The following SLC8A1 variants were observed in gnomAD, a reference collection of about 807,000 sequenced individuals.
The protein encoded by SLC8A1 is solute carrier family 8 member A1.
Under a neutral mutation model 68.3 loss-of-function variants are expected in SLC8A1, and 18 were observed. That is an observed-to-expected ratio of 0.26 (90% confidence interval 0.18 to 0.39). The LOEUF is 0.39. Ranked by LOEUF, SLC8A1 falls within the 10% of genes least tolerant of loss-of-function variation. The probability of loss-of-function intolerance (pLI) is 1.00; values close to 1 mark genes in which losing one functional copy is unlikely to be tolerated. For missense variants in SLC8A1, 985 were observed against 1,156.7 expected (o/e 0.85, Z 2.15); for synonymous variants, 475 against 415.5 (o/e 1.14, Z -1.74).
chr2:40,358,660 A>T lies in SLC8A1; in HGVS notation c.1808+69813T>A, dbSNP rs553787080. On this transcript the variant is annotated intron_variant, in intron 2 of 7. Transcript: ENST00000406785. ...ATTCACCCATTCAATTGATTGATTC[A>T]TTAATTCACTCATTCAACAATCTGT... Among the ~76,000 whole-genome samples the T allele has an allele frequency of 7.9e-5, 12 of 152,322 alleles. No individual in the cohort carries two copies. In the East Asian group the frequency reaches 2.3e-3, roughly 29 times the overall value.
chr2:40,458,438 T>A (rs1162134751), intron 1 of SLC8A1, among the ~76,000 whole-genome samples: 1 of 152,034 alleles, frequency 6.6e-6, no homozygotes, highest in East Asian at 1.9e-4. Flanking sequence ...GTAGAACATG[T>A]ATCGTCCCCT....
chr2:40,442,724 T>C (rs946696544), intron 1 of SLC8A1, among the ~76,000 whole-genome samples: 3 of 152,102 alleles, frequency 2.0e-5, no homozygotes, highest in Non-Finnish European at 4.4e-5. Flanking sequence ...GAACCAGAAA[T>C]ACCATTTGAC....
chr2:40,403,988 T>C (rs1225507965), intron 2 of SLC8A1, among the ~76,000 whole-genome samples: 2 of 152,252 alleles, frequency 1.3e-5, no homozygotes, highest in African/African-American at 4.8e-5. Flanking sequence ...AGGTTTATCA[T>C]GGATTTGCAG....
chr2:40,244,300 A>AGCATCTACTACGTGAGTCTCC (rs2061566561), intron 2 of SLC8A1, among the ~76,000 whole-genome samples: 1 of 152,166 alleles, frequency 6.6e-6, no homozygotes, highest in Non-Finnish European at 1.5e-5. Context: ...TCATTTACTG[A>AGCATCTACTACGTGAGTCTCC]GCATCTACTA....
chr2:40,379,177 A>T (rs1030487671), intron 2 of SLC8A1, among the ~76,000 whole-genome samples: 1 of 152,130 alleles, frequency 6.6e-6, no homozygotes, highest in Admixed American at 6.5e-5. Context: ...TTGTTAAAAC[A>T]TGAATTACTG....
At chr2:40,335,384 G>A (rs6733643) in intron 2 of SLC8A1, among the ~76,000 whole-genome samples, 2,293 of 152,212 alleles carry the variant, frequency 0.015, 63 homozygotes, top group African/African-American at 0.052. Flanking sequence ...TTCAGATATG[G>A]CTTCATCTGG....
chr2:40,442,216 T>TA (rs913279516), intron 1 of SLC8A1, among the ~76,000 whole-genome samples: 1 of 142,952 alleles, frequency 7.0e-6, no homozygotes, highest in Non-Finnish European at 1.5e-5. Flanking sequence ...AAAATAAAAT[T>TA]AAAAAAACAA....
chr2:40,302,465 G>GTGTA (rs2071683707), intron 2 of SLC8A1, among the ~76,000 whole-genome samples: 1 of 149,544 alleles, frequency 6.7e-6, no homozygotes, highest in African/African-American at 2.5e-5. Flanking sequence ...GTGTGTGTGT[G>GTGTA]TATACACACA....
At chr2:40,265,736 T>C (rs533678850) in intron 2 of SLC8A1, among the ~76,000 whole-genome samples, 1 of 152,286 alleles carries the variant, frequency 6.6e-6, no homozygotes, top group East Asian at 1.9e-4. Context: ...TGCTTAGATG[T>C]TGAAAAATGA....
intron 3 of SLC8A1, 55 bp from the exon 4 acceptor site, chr2:40,175,336 AAAGT>A (rs879436186): frequency 4.5e-6 from 7 of 1,558,568 alleles, no homozygotes; most frequent in Non-Finnish European, 6.2e-6. Flanking sequence ...ATGAATAATG[AAAGT>A]AAGAGGAATA....
At chr2:40,198,164 A>G (rs1434487630) in intron 2 of SLC8A1, among the ~76,000 whole-genome samples, 1 of 152,012 alleles carries the variant, frequency 6.6e-6, no homozygotes, top group Non-Finnish European at 1.5e-5. Flanking sequence ...AATGTGTGTT[A>G]GATTAAATGA....
chr2:40,155,579 C>G (rs2044321919), intron 6 of SLC8A1, among the ~76,000 whole-genome samples: 1 of 152,162 alleles, frequency 6.6e-6, no homozygotes, highest in Non-Finnish European at 1.5e-5. Flanking sequence ...TCACGGCAAT[C>G]CCTTGAAACT....
exon 2 of SLC8A1, chr2:40,428,770 G>A: frequency 6.2e-7 from 1 of 1,613,786 alleles, no homozygotes; most frequent in African/African-American, 1.3e-5. Flanking sequence ...ATCTTCTGAA[G>A]CTTCAGAAGA....
intron 5 of SLC8A1, among the ~76,000 whole-genome samples, chr2:40,164,147 T>C (rs2046149068): frequency 8.0e-6 from 1 of 125,158 alleles, no homozygotes; most frequent in Non-Finnish European, 1.7e-5. Flanking sequence ...CCATGTAGGG[T>C]AGAAGGGATG....
At chr2:40,452,197 C>CCCGCCCG (rs1170340555), upstream of SLC8A1, 1 of 147,720 alleles carries the variant, frequency 6.8e-6, no homozygotes, top group Non-Finnish European at 1.5e-5. Flanking sequence ...CGCACACTCG[C>CCCGCCCG]CCGCCCGCCG....
At chr2:40,251,600 T>TTGCAATTTGATACGCTG (rs2062761398) in intron 2 of SLC8A1, 1 of 152,174 alleles carries the variant, frequency 6.6e-6, no homozygotes, top group South Asian at 2.1e-4. Context: ...ACTTTAACCC[T>TTGCAATTTGATACGCTG]TGCAATTTGA....
intron 4 of SLC8A1, among the ~76,000 whole-genome samples, chr2:40,173,398 A>G (rs2047900135): frequency 6.6e-6 from 1 of 152,212 alleles, no homozygotes; most frequent in Non-Finnish European, 1.5e-5. Flanking sequence ...GATTTAAGAA[A>G]TCCAACACAA....
chr2:40,397,943 T>C (rs1687505519), intron 2 of SLC8A1, among the ~76,000 whole-genome samples: 1 of 152,156 alleles, frequency 6.6e-6, no homozygotes, highest in South Asian at 2.1e-4. Context: ...GAATGGCCTG[T>C]GGGACACTGA....
At chr2:40,392,703 T>C (rs1424267606) in intron 2 of SLC8A1, among the ~76,000 whole-genome samples, 2 of 152,050 alleles carry the variant, frequency 1.3e-5, no homozygotes, top group African/African-American at 4.8e-5. Context: ...CATTCCCTCT[T>C]GTTTGTTAGT....
Sources: allele counts gnomAD v4.1 joint callset (sites outside exome capture counted in the v4.1 genomes callset), GRCh38; gene constraint gnomAD v4.1.1; transcripts MANE v1.5; gene names NCBI Gene and HGNC (gene_info 2026-07-23, HGNC 2026-07-21).